Variants in ARHGEF11 observed in about 807,000 individuals in gnomAD.
ARHGEF11 encodes the protein Rho guanine exchange factor (GEF) 11.
A neutral mutation model predicts 193.7 loss-of-function variants in ARHGEF11; 55 were observed. The ratio of observed to expected loss-of-function variants is 0.28; its 90% CI spans 0.23 to 0.36. The LOEUF is 0.36. Ranked by LOEUF, ARHGEF11 falls within the 10% of genes least tolerant of loss-of-function variation. The pLI, the probability that ARHGEF11 is intolerant of heterozygous loss-of-function variation, is 1.00. For missense variants in ARHGEF11, 1,723 were observed against 2,005.6 expected (o/e 0.86, Z 2.69); for synonymous variants, 693 against 768.0 (o/e 0.90, Z 1.62).
rs567488551 is a variant in ARHGEF11 at position 157,013,259 on chromosome 1, TCA to T, written c.33-27088_33-27087del. On this transcript the variant is annotated intron_variant, in intron 1 of 40. Transcript: ENST00000368194. The stretch of plus-strand genomic sequence containing the variant: ...CCCAACTGCTCATAACTCCCCACTA[TCA>T]CTCACACACACACACACACACACAC... 1.1e-3 allele frequency among the ~76,000 whole-genome samples: 123 copies of T among 109,554 alleles called. 2 individuals carry two copies. Among genetic ancestry groups the T allele is most frequent in the African/African-American group, 1.8e-3 (50 of 28,484 alleles). The allele number at this position is 109,554 out of a possible 152,430, so 71.9% of individuals were successfully genotyped here. A position where few individuals can be genotyped will look rare whatever the true frequency, so the allele number is the denominator to read the frequency against.
At chr1:157,004,181 C>T (rs532595055) in intron 1 of ARHGEF11, among the ~76,000 whole-genome samples, 2 of 152,276 alleles carry the variant, frequency 1.3e-5, no homozygotes, top group South Asian at 2.1e-4. Flanking sequence ...TGCTATCTGC[C>T]GCCTCTCTGA....
At chr1:156,971,860 G>A (rs752644584) in intron 7 of ARHGEF11, 44 bp from the exon 8 acceptor site, 1 of 1,591,202 alleles carries the variant, frequency 6.3e-7, no homozygotes, top group South Asian at 1.1e-5. Flanking sequence ...AAAAGGCAGA[G>A]GGGTGGTTAA....
chr1:156,937,070 G>A lies in ARHGEF11; in HGVS notation c.4441-65C>T, dbSNP rs567743641. The A allele has an allele frequency of 3.6e-5, 57 of 1,585,416 alleles. No individual in the cohort carries two copies. In the African/African-American group the frequency reaches 7.0e-4, roughly 19 times the overall value. ...TATTCCTAAGGCCCCTGGGGAAGGG[G>A]TCTGTGCTGGGCCTTGGGGAGGAGG... On this transcript the variant is annotated intron_variant, in intron 39 of 40. Transcript: ENST00000368194.
intron 5 of ARHGEF11, among the ~76,000 whole-genome samples, chr1:156,978,823 G>A (rs1436064000): frequency 6.6e-6 from 1 of 152,230 alleles, no homozygotes; most frequent in Admixed American, 6.5e-5. Flanking sequence ...TATTTGTGCA[G>A]ACTCAATTGT....
At chr1:156,951,326 T>C (rs115417878) in intron 22 of ARHGEF11, among the ~76,000 whole-genome samples, 1,626 of 152,272 alleles carry the variant, frequency 0.011, 12 homozygotes, top group Middle Eastern at 0.02. Flanking sequence ...AGGTGATAAA[T>C]CCAAAGGGAA....
rs575427519 is a variant in ARHGEF11, at chr1:156,984,611, T to C, written c.125-174A>G. 2.7e-3 allele frequency among the ~76,000 whole-genome samples: 412 copies of C among 152,290 alleles called. 1 individual carries two copies. Among genetic ancestry groups the C allele is most frequent in the Middle Eastern group, 0.01 (3 of 294 alleles). On this transcript the variant is annotated intron_variant, in intron 2 of 40. Coordinates refer to ENST00000368194, the MANE Select transcript of ARHGEF11 (RefSeq NM_198236.3). ...CACTATTGCAATGACACGCCTCCCTTGGTGGTTGGCAAAACCTATAACTTA... is the reference window on the plus strand; with the variant it reads ...CACTATTGCAATGACACGCCTCCCTCGGTGGTTGGCAAAACCTATAACTTA...
intron 6 of ARHGEF11, among the ~76,000 whole-genome samples, 165 bp downstream of exon 6, chr1:156,978,039 T>C (rs898630058): frequency 6.6e-6 from 1 of 152,264 alleles, no homozygotes; most frequent in Admixed American, 6.5e-5. Context: ...ACAACTGTTA[T>C]TGTGCAGCCT....
chr1:157,013,259 T>TCACACACA (rs567488551), intron 1 of ARHGEF11, among the ~76,000 whole-genome samples: 4,587 of 109,512 alleles, frequency 0.042, 250 homozygotes, highest in East Asian at 0.061. Context: ...CTCCCCACTA[T>TCACACACA]CACTCACACA....
intron 8 of ARHGEF11, among the ~76,000 whole-genome samples, chr1:156,970,343 T>A (rs558309632): frequency 2.0e-5 from 3 of 151,954 alleles, no homozygotes; most frequent in Non-Finnish European, 4.4e-5. Context: ...TTCTTAACCA[T>A]CAAGAAGTAT....
chr1:156,975,281 T>A (rs976037320), intron 7 of ARHGEF11, among the ~76,000 whole-genome samples: 2 of 152,246 alleles, frequency 1.3e-5, no homozygotes, highest in African/African-American at 4.8e-5. Flanking sequence ...ATTGTCATTT[T>A]GATTAGCATC....
intron 3 of ARHGEF11, among the ~76,000 whole-genome samples, chr1:156,984,127 T>C (rs1664587074): frequency 6.6e-6 from 1 of 152,244 alleles, no homozygotes; most frequent in Non-Finnish European, 1.5e-5. Context: ...GGTTTTTCAC[T>C]TTCCAGCTAG....
chr1:156,980,385 T>C, intron 4 of ARHGEF11, 52 bp downstream of exon 4: 1 of 1,575,710 alleles, frequency 6.3e-7, no homozygotes, highest in Non-Finnish European at 8.6e-7. Context: ...AGGAGTGCCC[T>C]GCACATCTAT....
intron 1 of ARHGEF11, among the ~76,000 whole-genome samples, chr1:156,989,547 T>C (rs1371115800): frequency 6.6e-6 from 1 of 152,202 alleles, no homozygotes; most frequent in East Asian, 1.9e-4. Flanking sequence ...AAACGTCTTT[T>C]CAAATTCGTC....
chr1:157,012,577 C>G (rs1048252573), intron 1 of ARHGEF11, among the ~76,000 whole-genome samples: 1 of 152,204 alleles, frequency 6.6e-6, no homozygotes, highest in Non-Finnish European at 1.5e-5. Context: ...AAGAAAACGT[C>G]CTTCCTAGTA....
intron 1 of ARHGEF11, among the ~76,000 whole-genome samples, chr1:157,025,322 C>G (rs1415883873): frequency 6.6e-6 from 1 of 152,200 alleles, no homozygotes; most frequent in Non-Finnish European, 1.5e-5. Context: ...CTACTTGTCT[C>G]CATTATCTTC....
In ARHGEF11 at chr1:156,947,738, C is replaced by T. The variant is rs76025110; in HGVS notation, c.2341+31G>A. On this transcript the variant is annotated intron_variant, in intron 25 of 40. Transcript: ENST00000368194. Reference sequence around the variant, plus strand: ...CTGGACCTATTCCCACACGTGTGAGCGGAGCTGGGGGCAGTGGAGCACGTT... The same window carrying T: ...CTGGACCTATTCCCACACGTGTGAGTGGAGCTGGGGGCAGTGGAGCACGTT... 2,670 of 1,607,370 alleles carry T rather than the reference C, an allele frequency of 1.7e-3. 29 individuals carry two copies. The African/African-American group carries it at 0.028, about 17-fold the overall frequency.
rs753527714 is a variant in ARHGEF11, at chr1:156,951,656, G to A, written c.1842C>T (p.Asn614=). Residue 614 remains asparagine, a synonymous_variant, in exon 22 of 41, where the codon AAC becomes AAT. Coordinates refer to ENST00000368194, the MANE Select transcript of ARHGEF11 (RefSeq NM_198236.3). ...NVRNIIQHFE[N]NQQYDAPEPG... ...GTTCTGGGGCATCATACTGCTGGTT[G>A]TTCTCAAAGTGCTGAATGATGTTCC... 5.0e-6 allele frequency: 8 copies of A among 1,614,088 alleles called. No homozygotes were observed. The East Asian group carries it at 1.6e-4, about 31-fold the overall frequency.
chr1:157,001,845 T>C (rs1667237950), intron 1 of ARHGEF11, among the ~76,000 whole-genome samples: 1 of 152,238 alleles, frequency 6.6e-6, no homozygotes, highest in Non-Finnish European at 1.5e-5. Context: ...TTATTGGCAC[T>C]GGGATATGGG....
intron 3 of ARHGEF11, among the ~76,000 whole-genome samples, chr1:156,981,223 T>C (rs1664131014): frequency 6.7e-6 from 1 of 150,238 alleles, no homozygotes. Flanking sequence ...TTTTTTTTTT[T>C]GTAGAGATGA....
Sources: gnomAD v4.1 joint callset for allele counts (sites outside exome capture counted in the v4.1 genomes callset) on GRCh38, gnomAD v4.1.1 for gene constraint, MANE v1.5 for transcripts, NCBI Gene and HGNC (gene_info 2026-07-23, HGNC 2026-07-21) for gene names.